Variants in HOXA6 observed in about 807,000 individuals in gnomAD.
HOXA6 encodes homeobox A6.
In HOXA6, 19 loss-of-function variants were observed where a neutral mutation model predicts 23.2. The observed-to-expected ratio is 0.82, with a 90% CI of 0.57 to 1.20. The LOEUF (loss-of-function observed/expected upper bound fraction) is 1.20. HOXA6 is among the 50% of genes most tolerant of loss of function. The pLI is 0.00. For missense variants in HOXA6, 346 were observed against 313.6 expected, an observed-to-expected ratio of 1.10 and a Z score of -0.78; for synonymous variants, 140 against 132.6, an observed-to-expected ratio of 1.06 and a Z score of -0.38.
intron 1 of HOXA6, among the ~76,000 whole-genome samples, chr7:27,146,121 G>T (rs1782755908): frequency 6.6e-6 from 1 of 152,188 alleles, no homozygotes; most frequent in Non-Finnish European, 1.5e-5. Flanking sequence ...AACGACTTGG[G>T]GTGGACATTA....
chr7:27,145,766 C>A lies in HOXA6; in HGVS notation c.594G>T (p.Gln198His). The change falls in exon 2 of 2, where the codon CAG becomes CAT. Residue 198 changes from glutamine to histidine, a missense_variant. Gln to His is a conservative substitution (Grantham distance 24, BLOSUM62 0). Coordinates refer to ENST00000222728, the MANE Select transcript of HOXA6 (RefSeq NM_024014.4). ...IANALCLTER[Q>H]IKIWFQNRRM... ...GGCGGTTCTGGAACCAGATCTTGAT[C>A]TGGCGCTCGGTGAGGCAGAGCGCGT... 1 of 1,614,236 alleles carries A rather than the reference C, an allele frequency of 6.2e-7. No individual in the cohort carries two copies. The highest frequency in any genetic ancestry group is 8.5e-7 in the Non-Finnish European group (1 of 1,180,048).
Position 27,145,654 on chromosome 7 carries a change from G to A in HOXA6, c.*4C>T. On this transcript the variant is annotated 3_prime_UTR_variant, in exon 2 of 2. Transcript: ENST00000222728. The stretch of plus-strand genomic sequence containing the variant: ...CAGCGCTGGCCTGGTCCCTGCCCAG[G>A]CATCTACTCGCCCGCCTTTGCCTCT... 1 of 1,612,164 alleles carries A rather than the reference G, an allele frequency of 6.2e-7. No individual in the cohort carries two copies. Among genetic ancestry groups the A allele is most frequent in the Non-Finnish European group, 8.5e-7 (1 of 1,178,924 alleles).
chr7:27,145,560 A>C lies in HOXA6; in HGVS notation c.*98T>G. 1 of 1,474,514 alleles carries C rather than the reference A, an allele frequency of 6.8e-7. No individual in the cohort carries two copies. The highest frequency in any genetic ancestry group is 9.1e-7 in the Non-Finnish European group (1 of 1,096,922). 91.3% of individuals were successfully genotyped at this position (1,474,514 alleles called of 1,614,324 possible). On this transcript the variant is annotated 3_prime_UTR_variant, in exon 2 of 2. Transcript: ENST00000222728. ...CTCCCCTGAAGCTGCGGAAGCCCCC[A>C]GATGGGAGCAGGCGGGGAGAAAAGT...
Position 27,145,869 on chromosome 7 carries a change from C to A in HOXA6, c.491G>T (p.Arg164Leu), listed in dbSNP as rs771048597. The A allele has an allele frequency of 3.3e-5, 54 of 1,614,072 alleles. No homozygotes were observed. The highest frequency in any genetic ancestry group is 1.8e-5 in the Non-Finnish European group (21 of 1,180,046). ...HGRRGRQTYT[R>L]YQTLELEKEF... Reference sequence around the variant, plus strand: ...CTTCTCCAGCTCCAGTGTCTGGTAGCGCGTGTAGGTCTGGCGGCCTCGGCG... The same window carrying A: ...CTTCTCCAGCTCCAGTGTCTGGTAGAGCGTGTAGGTCTGGCGGCCTCGGCG... Residue 164 changes from arginine to leucine, a missense_variant, in exon 2 of 2, where the codon CGC becomes CTC. By Grantham distance (102) the Arg-to-Leu change is moderately radical. Transcript: ENST00000222728.
At chr7:27,146,771 C>T (rs756354305) in intron 1 of HOXA6, among the ~76,000 whole-genome samples, 4 of 151,848 alleles carry the variant, frequency 2.6e-5, no homozygotes, top group African/African-American at 4.8e-5. Flanking sequence ...GAGTAGAAGC[C>T]GGGGGAGATG....
At position 27,145,415 on chromosome 7, in the gene HOXA6, C is replaced by T; in HGVS notation, c.*243G>A. On this transcript the variant is annotated 3_prime_UTR_variant, in exon 2 of 2. Transcript: ENST00000222728. ...CGGGACTGGGTGTGTGCAGTGCGCC[C>T]CGCTCCACCGCTGGTATTGGCTGTG... 1.7e-6 allele frequency: 1 copy of T among 605,258 alleles called. No homozygotes were observed. Among genetic ancestry groups the T allele is most frequent in the Non-Finnish European group, 2.8e-6 (1 of 351,774 alleles). The allele number at this position is 605,258 out of a possible 1,614,324, so 37.5% of individuals were successfully genotyped here.
At position 27,145,756 on chromosome 7, in the gene HOXA6, A is replaced by C. The variant is rs1562730987; in HGVS notation, c.604T>G (p.Trp202Gly). The C allele has an allele frequency of 6.2e-7, 1 of 1,614,250 alleles. No individual in the cohort carries two copies. ...LCLTERQIKI[W>G]FQNRRMKWKK... ...CACTTCATGCGGCGGTTCTGGAACC[A>C]GATCTTGATCTGGCGCTCGGTGAGG... The change falls in exon 2 of 2, where the codon TGG becomes GGG. Residue 202 changes from tryptophan (W) to glycine (G), a missense_variant. Transcript: ENST00000222728.
Position 27,145,788 on chromosome 7 carries a change from G to T in HOXA6, c.572C>A (p.Ala191Glu), listed in dbSNP as rs899753603. 3 of 1,614,262 alleles carry T rather than the reference G, an allele frequency of 1.9e-6. No individual in the cohort carries two copies. Among genetic ancestry groups the T allele is most frequent in the Non-Finnish European group, 2.5e-6 (3 of 1,180,050 alleles). The change falls in exon 2 of 2, where the codon GCG becomes GAG. Residue 191 changes from alanine (A) to glutamate (E), a missense_variant. Ala to Glu is a moderately radical substitution (Grantham distance 107). Coordinates refer to ENST00000222728, the MANE Select transcript of HOXA6 (RefSeq NM_024014.4). ...GATCTGGCGCTCGGTGAGGCAGAGC[G>T]CGTTGGCGATCTCGATGCGGCGGCG... Reference protein sequence around the residue: ...TRRRRIEIANALCLTERQIKI... With the variant: ...TRRRRIEIANELCLTERQIKI...
rs1400087219 is a variant in HOXA6, at chr7:27,147,600, CT to C, written c.149del (p.Lys50ArgfsTer94). Reference protein sequence around the residue: ...ASYGASSLPDKTYTSPCFYQQ... With the variant: ...ASYGASSLPDXTYTSPCFYQQ... ...GGTAGAAACAAGGTGAGGTGTACGT[CT>C]TGTCCGGGAGACTCGACGCCCCGTA... On this transcript the variant is annotated frameshift_variant, in exon 1 of 2. Transcript: ENST00000222728. LOFTEE classifies it high-confidence loss of function. 3 of 1,614,106 alleles carry C rather than the reference CT, an allele frequency of 1.9e-6. No individual in the cohort carries two copies. Among genetic ancestry groups the C allele is most frequent in the Non-Finnish European group, 2.5e-6 (3 of 1,180,050 alleles).
intron 1 of HOXA6, among the ~76,000 whole-genome samples, chr7:27,146,434 A>G (rs1308705865): frequency 1.3e-5 from 2 of 152,164 alleles, no homozygotes; most frequent in Non-Finnish European, 2.9e-5. Context: ...ATTCTCCCAA[A>G]TTATATGACC....
intron 1 of HOXA6, among the ~76,000 whole-genome samples, chr7:27,146,974 G>A (rs756699797): frequency 3.9e-5 from 6 of 152,056 alleles, no homozygotes; most frequent in Non-Finnish European, 7.4e-5. Context: ...AGCTGAGCAG[G>A]GTACTCAGGG....
At position 27,147,619 on chromosome 7, in the gene HOXA6, G is replaced by GC. The variant is rs766149827; in HGVS notation, c.130dup (p.Ala44GlyfsTer39). On this transcript the variant is annotated frameshift_variant, in exon 1 of 2. Coordinates refer to ENST00000222728, the MANE Select transcript of HOXA6 (RefSeq NM_024014.4). LOFTEE classifies it high-confidence loss of function. ...GTACGTCTTGTCCGGGAGACTCGAC[G>GC]CCCCGTACGAGGCCGGGAAGGGCCT... 6.2e-7 allele frequency: 1 copy of GC among 1,614,216 alleles called. No individual in the cohort carries two copies. The highest frequency in any genetic ancestry group is 1.1e-5 in the South Asian group (1 of 91,084).
intron 1 of HOXA6, among the ~76,000 whole-genome samples, chr7:27,146,287 G>A (rs1782767154): frequency 6.6e-6 from 1 of 151,762 alleles, no homozygotes; most frequent in Non-Finnish European, 1.5e-5. Flanking sequence ...GGGGTGGGTG[G>A]TGTGGAACCA....
Position 27,145,704 on chromosome 7 carries a change from G to A in HOXA6, c.656C>T (p.Ser219Phe), listed in dbSNP as rs370024061. 12 of 1,614,102 alleles carry A rather than the reference G, an allele frequency of 7.4e-6. No individual in the cohort carries two copies. In the African/African-American group the frequency reaches 1.5e-4, roughly 20 times the overall value. The change falls in exon 2 of 2, where the codon TCC (serine) becomes TTC (phenylalanine). Residue 219 changes from serine to phenylalanine, a missense_variant. By Grantham distance (155) the Ser-to-Phe change is radical (BLOSUM62 -2). Transcript: ENST00000222728. ...TGAGTCCTCCCCGCTGGGCTGCGTG[G>A]AATTGATGAGCTTGTTTTCCTTTTT... ...KWKKENKLIN[S>F]TQPSGEDSEA...
In HOXA6 at chr7:27,147,645, C is replaced by T. The variant is rs944658409; in HGVS notation, c.105G>A (p.Leu35=). 3.1e-6 allele frequency: 5 copies of T among 1,614,232 alleles called. No homozygotes were observed. Among genetic ancestry groups the T allele is most frequent in the Non-Finnish European group, 4.2e-6 (5 of 1,180,048 alleles). ...CCCCGTACGAGGCCGGGAAGGGCCT[C>T]AGCGCGTCATAGCCAGCCTGGTAGA... ...LPLYQAGYDA[L]RPFPASYGAS... Residue 35 remains leucine, a synonymous_variant, in exon 1 of 2, where the codon CTG becomes CTA. Coordinates refer to ENST00000222728, the MANE Select transcript of HOXA6 (RefSeq NM_024014.4).
intron 1 of HOXA6, 194 bp downstream of exon 1, chr7:27,147,114 G>A (rs997839392): frequency 6.4e-5 from 40 of 624,282 alleles, no homozygotes; most frequent in Non-Finnish European, 1.1e-4. Flanking sequence ...CTGGGGCCTT[G>A]CCCTTCCTCT....
chr7:27,147,061 C>T, intron 1 of HOXA6: 1 of 563,130 alleles, frequency 1.8e-6, no homozygotes, highest in Non-Finnish European at 3.1e-6. Flanking sequence ...CATATACGTG[C>T]CAGTGCCCCC....
rs1008095015 is a variant in HOXA6, at chr7:27,145,775, G to C, written c.585C>G (p.Thr195=). ...RIEIANALCL[T]ERQIKIWFQN... is the part of the protein sequence containing the mutation. ...GGAACCAGATCTTGATCTGGCGCTC[G>C]GTGAGGCAGAGCGCGTTGGCGATCT... The change falls in exon 2 of 2, where the codon ACC becomes ACG. Residue 195 remains threonine (T), a synonymous_variant. Coordinates refer to ENST00000222728, the MANE Select transcript of HOXA6 (RefSeq NM_024014.4). 2.5e-6 allele frequency: 4 copies of C among 1,614,100 alleles called. No homozygotes were observed. Among genetic ancestry groups the C allele is most frequent in the Non-Finnish European group, 3.4e-6 (4 of 1,180,042 alleles).
Position 27,147,543 on chromosome 7 carries a change from C to T in HOXA6, c.207G>A (p.Arg69=). 6.2e-7 allele frequency: 1 copy of T among 1,614,152 alleles called. No homozygotes were observed. The highest frequency in any genetic ancestry group is 1.1e-5 in the South Asian group (1 of 91,090). Residue 69 remains arginine, a synonymous_variant, in exon 1 of 2, where the codon CGG becomes CGA. Coordinates refer to ENST00000222728, the MANE Select transcript of HOXA6 (RefSeq NM_024014.4). ...ACGAGGCCCCGTACTCGTAGGACGCCCGGTTGCAGGCCAGGACCGAGTTGG... is the reference window on the plus strand; with the variant it reads ...ACGAGGCCCCGTACTCGTAGGACGCTCGGTTGCAGGCCAGGACCGAGTTGG... The part of the protein sequence containing the change: ...QQSNSVLACN[R]ASYEYGASCF...
Sources: gnomAD v4.1 joint callset for allele counts (sites outside exome capture counted in the v4.1 genomes callset) on GRCh38, gnomAD v4.1.1 for gene constraint, MANE v1.5 for transcripts, NCBI Gene and HGNC (gene_info 2026-07-23, HGNC 2026-07-21) for gene names.